Variants in NAA11 observed in about 807,000 individuals in gnomAD.
NAA11 encodes N-alpha-acetyltransferase 11.
Under a neutral mutation model 16.1 loss-of-function variants are expected in NAA11, and 15 were observed. The ratio of observed to expected loss-of-function variants is 0.93; its 90% CI spans 0.62 to 1.44. The LOEUF (loss-of-function observed/expected upper bound fraction) is 1.44. Among genes scored for constraint, NAA11 ranks in the 40% most tolerant of loss-of-function variants. The pLI is 0.00. For missense variants in NAA11, 298 were observed against 291.3 expected, an observed-to-expected ratio of 1.02 and a Z score of -0.17; for synonymous variants, 122 against 112.4, an observed-to-expected ratio of 1.09 and a Z score of -0.54.
chr4:79,176,756 C>T, the NAA11 span, among the ~76,000 whole-genome samples: 1 of 152,172 alleles, frequency 6.6e-6, no homozygotes, highest in African/African-American at 2.4e-5. Flanking sequence ...AAATAAACAA[C>T]ACCCATACTT....
At chr4:79,172,929 T>C in the NAA11 span, among the ~76,000 whole-genome samples, 14,818 of 152,148 alleles carry the variant, frequency 0.097, 957 homozygotes, top group African/African-American at 0.17. Context: ...AGAGCTTAAA[T>C]AACTCAAATT....
At chr4:79,235,795 A>G (rs2109958219) in intron 2 of NAA11, among the ~76,000 whole-genome samples, 1 of 152,224 alleles carries the variant, frequency 6.6e-6, no homozygotes, top group South Asian at 2.1e-4. Flanking sequence ...ATATGGGAAT[A>G]TTACTGGAAG....
intron 2 of NAA11, among the ~76,000 whole-genome samples, chr4:79,292,519 T>G (rs1723111200): frequency 6.6e-6 from 1 of 152,226 alleles, no homozygotes; most frequent in Non-Finnish European, 1.5e-5. Context: ...CATCTGTGCC[T>G]GACTTTCATC....
intron 2 of NAA11, among the ~76,000 whole-genome samples, chr4:79,263,108 A>C (rs1265638121): frequency 6.6e-6 from 1 of 152,202 alleles, no homozygotes; most frequent in Non-Finnish European, 1.5e-5. Flanking sequence ...GTCTGGATCA[A>C]AAAGACAACA....
chr4:79,273,814 G>A (rs1421312996), intron 2 of NAA11, among the ~76,000 whole-genome samples: 2 of 151,984 alleles, frequency 1.3e-5, no homozygotes, highest in Non-Finnish European at 2.9e-5. Context: ...TTTTAAAAAC[G>A]TGCAGAAATT....
intron 2 of NAA11, among the ~76,000 whole-genome samples, chr4:79,247,110 C>T (rs943012408): frequency 5.9e-5 from 9 of 152,074 alleles, no homozygotes; most frequent in Non-Finnish European, 1.2e-4. Flanking sequence ...TTCAGAGGTG[C>T]ATATGGCTTA....
intron 1 of NAA11, among the ~76,000 whole-genome samples, chr4:79,296,912 A>G (rs889115021): frequency 6.6e-6 from 1 of 152,234 alleles, no homozygotes; most frequent in South Asian, 2.1e-4. Context: ...CAATGCTTAA[A>G]TTAATGGCAG....
At chr4:79,284,518 G>A (rs369689345) in intron 2 of NAA11, among the ~76,000 whole-genome samples, 1 of 152,066 alleles carries the variant, frequency 6.6e-6, no homozygotes. Context: ...ATAGGTAACA[G>A]CCTCTAGCAT....
At chr4:79,276,654 C>T (rs888955715) in intron 2 of NAA11, among the ~76,000 whole-genome samples, 4 of 152,050 alleles carry the variant, frequency 2.6e-5, no homozygotes, top group South Asian at 2.1e-4. Context: ...GACACTCTGC[C>T]GAATAACTGG....
intron 2 of NAA11, among the ~76,000 whole-genome samples, chr4:79,268,676 T>C (rs1236794288): frequency 1.3e-5 from 2 of 150,470 alleles, no homozygotes; most frequent in Non-Finnish European, 1.5e-5. Flanking sequence ...AATTGAACTA[T>C]ATTCAGGAGT....
At chr4:79,196,505 C>T in the NAA11 span, among the ~76,000 whole-genome samples, 1 of 151,934 alleles carries the variant, frequency 6.6e-6, no homozygotes, top group Non-Finnish European at 1.5e-5. Flanking sequence ...CTCATTTCAC[C>T]AGAAATAATT....
chr4:79,208,925 C>CAAAAAAAAAAAAAAAAAAAAAAA, the NAA11 span, among the ~76,000 whole-genome samples: 1 of 53,970 alleles, frequency 1.9e-5, no homozygotes, highest in Admixed American at 2.8e-4. Context: ...ATATAACTGC[C>CAAAAAAAAAAAAAAAAAAAAAAA]AAAAAAAAAA....
At chr4:79,290,992 T>C (rs889927356) in intron 2 of NAA11, among the ~76,000 whole-genome samples, 4 of 152,212 alleles carry the variant, frequency 2.6e-5, no homozygotes, top group Non-Finnish European at 4.4e-5. Context: ...ATGTACAATA[T>C]GGTATGTTAG....
intron 2 of NAA11, among the ~76,000 whole-genome samples, chr4:79,226,656 C>T (rs1250599608): frequency 6.8e-6 from 1 of 147,912 alleles, no homozygotes; most frequent in East Asian, 2.0e-4. Flanking sequence ...TCAATTCCCA[C>T]CTATGAGTGA....
chr4:79,268,711 T>TA (rs1441194433), intron 2 of NAA11, among the ~76,000 whole-genome samples: 1 of 151,574 alleles, frequency 6.6e-6, no homozygotes, highest in Non-Finnish European at 1.5e-5. Flanking sequence ...TGTATTTTTT[T>TA]TTATTATACT....
chr4:79,252,776 A>T (rs1426215485), intron 2 of NAA11, among the ~76,000 whole-genome samples: 3 of 152,224 alleles, frequency 2.0e-5, no homozygotes, highest in Non-Finnish European at 4.4e-5. Context: ...GAAAGAGATG[A>T]TGTTAAAGAG....
chr4:79,319,307 C>A (rs371218446), intron 1 of NAA11, among the ~76,000 whole-genome samples: 3 of 152,006 alleles, frequency 2.0e-5, no homozygotes, highest in Admixed American at 6.6e-5. Context: ...GGAAGCCTGA[C>A]AAATACATGC....
chr4:79,199,259 C>T, the NAA11 span, among the ~76,000 whole-genome samples: 6 of 151,928 alleles, frequency 3.9e-5, no homozygotes, highest in Non-Finnish European at 8.8e-5. Context: ...TCCACTTATA[C>T]ACTTAAGCAG....
intron 1 of NAA11, among the ~76,000 whole-genome samples, chr4:79,300,732 T>G (rs777924648): frequency 6.6e-5 from 10 of 152,274 alleles, no homozygotes; most frequent in South Asian, 4.2e-4. Flanking sequence ...GTGTGTGTGT[T>G]TTTAATGCAT....
Sources: gnomAD v4.1 joint callset for allele counts (sites outside exome capture counted in the v4.1 genomes callset) on GRCh38, gnomAD v4.1.1 for gene constraint, MANE v1.5 for transcripts, NCBI Gene and HGNC (gene_info 2026-07-23, HGNC 2026-07-21) for gene names.